ELMO1: variants seen among roughly 807,000 people sequenced by gnomAD.
ELMO1 encodes the protein engulfment and cell motility 1.
A neutral mutation model predicts 98.9 loss-of-function variants in ELMO1; 26 were observed. The ratio of observed to expected loss-of-function variants is 0.26; its 90% CI spans 0.19 to 0.36. ELMO1 has a LOEUF of 0.36. Ranked by LOEUF, ELMO1 falls within the 10% of genes least tolerant of loss-of-function variation. ELMO1 has a pLI of 1.00. For missense variants in ELMO1, 627 were observed against 935.2 expected (o/e 0.67, Z 4.30); for synonymous variants, 346 against 346.0 (o/e 1.00, Z 0.00).
At chr7:37,001,534 G>A (rs1224768948) in intron 16 of ELMO1, among the ~76,000 whole-genome samples, 1 of 152,162 alleles carries the variant, frequency 6.6e-6, no homozygotes, top group Non-Finnish European at 1.5e-5. Flanking sequence ...AACTGCTATA[G>A]AACTAGAAGA....
intron 2 of ELMO1, among the ~76,000 whole-genome samples, chr7:37,323,978 A>C (rs1415690475): frequency 4.6e-5 from 7 of 152,140 alleles, no homozygotes; most frequent in Non-Finnish European, 1.0e-4. Context: ...CTCAGAGTAT[A>C]TGTTCCTTTA....
intron 13 of ELMO1, among the ~76,000 whole-genome samples, chr7:37,196,663 G>T (rs1791979935): frequency 6.6e-6 from 1 of 152,140 alleles, no homozygotes; most frequent in African/African-American, 2.4e-5. Flanking sequence ...TCACTGCCTT[G>T]CTCCCATGAG....
At chr7:37,161,905 A>AATATATATATATATATATATATGT (rs1789230926) in intron 13 of ELMO1, among the ~76,000 whole-genome samples, 1 of 42,380 alleles carries the variant, frequency 2.4e-5, no homozygotes, top group African/African-American at 7.2e-5. Flanking sequence ...CAGGTAATCA[A>AATATATATATATATATATATATGT]ATATATATAT....
chr7:37,417,963 T>C (rs1804300237), intron 1 of ELMO1, among the ~76,000 whole-genome samples: 1 of 152,168 alleles, frequency 6.6e-6, no homozygotes, highest in Non-Finnish European at 1.5e-5. Context: ...CACCAGAAGC[T>C]GGAAGGGGCA....
chr7:37,318,871 A>C (rs761077439), intron 2 of ELMO1, among the ~76,000 whole-genome samples: 1 of 152,136 alleles, frequency 6.6e-6, no homozygotes, highest in Non-Finnish European at 1.5e-5. Context: ...TGACACTGTT[A>C]CTACTTCCTT....
chr7:37,206,452 G>A (rs572222693), intron 13 of ELMO1, among the ~76,000 whole-genome samples: 4 of 152,266 alleles, frequency 2.6e-5, no homozygotes, highest in South Asian at 4.1e-4. Flanking sequence ...AGACAAAGAC[G>A]CTTCCTTCCG....
chr7:37,307,958 C>T (rs916735833), intron 4 of ELMO1, among the ~76,000 whole-genome samples: 1 of 151,976 alleles, frequency 6.6e-6, no homozygotes, highest in African/African-American at 2.4e-5. Flanking sequence ...ACTAAAAATA[C>T]AAAAATTAGC....
chr7:37,013,863 T>G (rs1486558654), intron 15 of ELMO1, among the ~76,000 whole-genome samples: 1 of 152,238 alleles, frequency 6.6e-6, no homozygotes, highest in African/African-American at 2.4e-5. Context: ...TTTTCCTGAA[T>G]ACACGATTAA....
Position 36,899,684 on chromosome 7 carries a change from C to CTTT in ELMO1, c.1438-4670_1438-4668dup, listed in dbSNP as rs10522661. Among the ~76,000 whole-genome samples the CTTT allele has an allele frequency of 1.0e-3, 64 of 63,678 alleles. 5 individuals carry two copies. In the South Asian group the frequency reaches 0.021, roughly 21 times the overall value. 41.8% of individuals were successfully genotyped at this position (63,678 alleles called of 152,430 possible). On this transcript the variant is annotated intron_variant, in intron 16 of 21. Transcript: ENST00000310758. ...ACTCATTTTTACTATCTTTACTCAT[C>CTTT]TTTTTTTTTTTTTTTTACCACTCCT...
At position 36,861,898 on chromosome 7, in the gene ELMO1, C is replaced by T. The variant is rs114421886; in HGVS notation, c.1906-162G>A. On this transcript the variant is annotated intron_variant, in intron 20 of 21. Coordinates refer to ENST00000310758, the MANE Select transcript of ELMO1 (RefSeq NM_014800.11). ...GAGGAACCATGCTCTTCAAGGTTCA[C>T]GGCATGATTCCTTCTCTCCATTCAC... The T allele has an allele frequency of 2.6e-3, 1,728 of 654,246 alleles. 28 individuals carry two copies. In the African/African-American group the frequency reaches 0.027, roughly 10 times the overall value. The allele number at this position is 654,246 out of a possible 1,614,324, so 40.5% of individuals were successfully genotyped here.
chr7:37,132,474 G>A (rs1045475669), intron 14 of ELMO1, among the ~76,000 whole-genome samples: 2 of 152,060 alleles, frequency 1.3e-5, no homozygotes, highest in African/African-American at 4.8e-5. Flanking sequence ...CAAATCCAGG[G>A]CTCCAACCGA....
At chr7:37,234,782 A>G (rs533005494) in intron 7 of ELMO1, among the ~76,000 whole-genome samples, 1 of 152,376 alleles carries the variant, frequency 6.6e-6, no homozygotes, top group South Asian at 2.1e-4. Context: ...AATGCTGTGC[A>G]GTGAATTGTA....
chr7:37,213,588 AG>A, intron 11 of ELMO1, 131 bp from the exon 12 acceptor site: 1 of 767,704 alleles, frequency 1.3e-6, no homozygotes, highest in Non-Finnish European at 2.0e-6. Context: ...GTGAGGGCAC[AG>A]GGAATTTCAG....
chr7:37,282,581 T>A (rs80341043), intron 4 of ELMO1, among the ~76,000 whole-genome samples: 7,947 of 151,858 alleles, frequency 0.052, 276 homozygotes, highest in African/African-American at 0.076. Context: ...TAAGGAAGCA[T>A]ATTAGAAATA....
rs185125307 is a variant in ELMO1, at chr7:37,363,547, C to T, written c.-73-20784G>A. Among the ~76,000 whole-genome samples, 48 of 152,254 alleles carry T rather than the reference C, an allele frequency of 3.2e-4. No homozygotes were observed. In the East Asian group the frequency reaches 8.3e-3, roughly 26 times the overall value. On this transcript the variant is annotated intron_variant, in intron 1 of 21. Transcript: ENST00000310758. The stretch of plus-strand genomic sequence containing the variant: ...TCCTATCCCCATCCCACATCAGTGG[C>T]TCCAGCCCTCTCTCAGTTGCCCAAA...
intron 1 of ELMO1, among the ~76,000 whole-genome samples, chr7:37,422,522 G>A (rs1046809559): frequency 9.2e-5 from 14 of 152,154 alleles, no homozygotes; most frequent in Admixed American, 7.2e-4. Flanking sequence ...TCAGCTATTC[G>A]CAGGAATATA....
chr7:37,250,536 CCAT>C (rs1161746611), intron 6 of ELMO1, among the ~76,000 whole-genome samples: 1 of 151,958 alleles, frequency 6.6e-6, no homozygotes, highest in Non-Finnish European at 1.5e-5. Flanking sequence ...AAAAAACTTT[CCAT>C]CCAAGCACTT....
intron 1 of ELMO1, among the ~76,000 whole-genome samples, chr7:37,388,586 G>T (rs1802919601): frequency 6.6e-6 from 1 of 150,450 alleles, no homozygotes; most frequent in African/African-American, 2.4e-5. Context: ...GGAGAAAGAT[G>T]CTGCAGTCAC....
intron 16 of ELMO1, among the ~76,000 whole-genome samples, chr7:36,969,007 G>A (rs1789684222): frequency 6.6e-6 from 1 of 151,910 alleles, no homozygotes; most frequent in Non-Finnish European, 1.5e-5. Context: ...TTGGTTCAGT[G>A]GTTATTTAAA....
Sources: gnomAD v4.1 joint callset for allele counts (sites outside exome capture counted in the v4.1 genomes callset) on GRCh38, gnomAD v4.1.1 for gene constraint, MANE v1.5 for transcripts, NCBI Gene and HGNC (gene_info 2026-07-23, HGNC 2026-07-21) for gene names.